The following MREG variants were observed in gnomAD, a reference collection of about 807,000 sequenced individuals.
MREG encodes melanoregulin.
A neutral mutation model predicts 28.5 loss-of-function variants in MREG; 31 were observed. That is an observed-to-expected ratio of 1.09 (90% CI 0.82 to 1.47). MREG has a LOEUF of 1.47. MREG is among the 40% of genes most tolerant of loss of function. The pLI, the probability that MREG is intolerant of heterozygous loss-of-function variation, is 0.00. For missense variants in MREG, 256 were observed against 257.4 expected (o/e 0.99, Z 0.04); for synonymous variants, 106 against 95.2 (o/e 1.11, Z -0.66).
At chr2:215,940,098 T>C (rs151273018), downstream of MREG, among the ~76,000 whole-genome samples, 36 of 152,354 alleles carry the variant, frequency 2.4e-4, no homozygotes, top group Admixed American at 6.5e-4. Flanking sequence ...AGACTCAAGC[T>C]AAAATCTGGT....
intron 2 of MREG, among the ~76,000 whole-genome samples, chr2:215,984,290 G>A (rs1209054441): frequency 6.6e-6 from 1 of 152,056 alleles, no homozygotes; most frequent in African/African-American, 2.4e-5. Context: ...ACAACATGTG[G>A]GAATTCAAGG....
chr2:215,998,425 G>C (rs1277719194), intron 1 of MREG, among the ~76,000 whole-genome samples: 1 of 152,058 alleles, frequency 6.6e-6, no homozygotes, highest in Non-Finnish European at 1.5e-5. Flanking sequence ...GCTAGCAGGA[G>C]ACCAGCTACC....
chr2:215,969,194 G>C (rs1020269704), intron 2 of MREG, among the ~76,000 whole-genome samples: 5 of 152,166 alleles, frequency 3.3e-5, no homozygotes, highest in Non-Finnish European at 7.3e-5. Context: ...GCCTAAGATG[G>C]AGAAATCTAG....
intron 2 of MREG, among the ~76,000 whole-genome samples, chr2:215,968,824 T>C (rs1280240822): frequency 6.6e-6 from 1 of 152,250 alleles, no homozygotes; most frequent in Non-Finnish European, 1.5e-5. Context: ...GGTGCAATCA[T>C]GGCTCACTGC....
At chr2:215,954,008 G>A (rs558691363) in intron 2 of MREG, among the ~76,000 whole-genome samples, 2 of 152,222 alleles carry the variant, frequency 1.3e-5, no homozygotes, top group Non-Finnish European at 2.9e-5. Flanking sequence ...TGTCCCAGAA[G>A]TGTCTTAGGC....
chr2:215,965,254 C>G (rs10498049), intron 2 of MREG, among the ~76,000 whole-genome samples: 2,609 of 152,306 alleles, frequency 0.017, 68 homozygotes, highest in East Asian at 0.1. Flanking sequence ...CCTATTGATA[C>G]ATTTGCAGGT....
intron 2 of MREG, among the ~76,000 whole-genome samples, chr2:215,968,294 C>A (rs12694381): frequency 0.9 from 136,809 of 152,150 alleles, 61,595 homozygotes; most frequent in Non-Finnish European, 0.91. Context: ...TTACTTTTCA[C>A]CACTCATTAC....
At chr2:216,002,762 CT>C (rs1694050067) in intron 1 of MREG, among the ~76,000 whole-genome samples, 1 of 152,058 alleles carries the variant, frequency 6.6e-6, no homozygotes, top group Admixed American at 6.5e-5. Context: ...CCTTGCTTCC[CT>C]CCCCATTCTC....
At chr2:215,997,666 A>C (rs1367717717) in intron 1 of MREG, among the ~76,000 whole-genome samples, 1 of 152,234 alleles carries the variant, frequency 6.6e-6, no homozygotes, top group Non-Finnish European at 1.5e-5. Context: ...GTGGGAGCTC[A>C]GGAGGCCATG....
intron 3 of MREG, among the ~76,000 whole-genome samples, chr2:215,946,237 TAAA>T (rs112515028): frequency 7.1e-6 from 1 of 140,226 alleles, no homozygotes; most frequent in Non-Finnish European, 1.6e-5. Flanking sequence ...TTTCATTGTT[TAAA>T]AAAAAAAAAA....
chr2:215,969,846 C>G (rs1452435185), intron 2 of MREG, among the ~76,000 whole-genome samples: 2 of 152,222 alleles, frequency 1.3e-5, no homozygotes, highest in Non-Finnish European at 1.5e-5. Context: ...ACTTAGGACT[C>G]CCTTTGTAAG....
intron 2 of MREG, among the ~76,000 whole-genome samples, chr2:215,955,367 A>G (rs1291991825): frequency 1.3e-5 from 2 of 152,318 alleles, no homozygotes; most frequent in East Asian, 1.9e-4. Flanking sequence ...ATTCTTTCCA[A>G]TATCACTGTT....
At chr2:215,950,499 T>G (rs562170503) in intron 2 of MREG, among the ~76,000 whole-genome samples, 1 of 152,362 alleles carries the variant, frequency 6.6e-6, no homozygotes, top group Admixed American at 6.5e-5. Context: ...GATGCATCTT[T>G]GGATCCCACC....
chr2:215,958,185 A>G (rs1267829148), intron 2 of MREG, among the ~76,000 whole-genome samples: 3 of 152,014 alleles, frequency 2.0e-5, no homozygotes, highest in African/African-American at 7.3e-5. Flanking sequence ...GCAGCACACC[A>G]ACATGGCACA....
At chr2:215,940,495 T>G (rs574519810), downstream of MREG, among the ~76,000 whole-genome samples, 1 of 152,326 alleles carries the variant, frequency 6.6e-6, no homozygotes, top group East Asian at 1.9e-4. Context: ...ACCACTGCAG[T>G]TCTTTTCCAA....
chr2:215,945,310 G>C (rs1314086195), intron 4 of MREG, among the ~76,000 whole-genome samples: 1 of 152,106 alleles, frequency 6.6e-6, no homozygotes, highest in Non-Finnish European at 1.5e-5. Flanking sequence ...CTACACAGTA[G>C]AATTCACTGA....
At chr2:215,988,080 T>C (rs1224880391) in intron 2 of MREG, among the ~76,000 whole-genome samples, 1 of 152,178 alleles carries the variant, frequency 6.6e-6, no homozygotes, top group Non-Finnish European at 1.5e-5. Flanking sequence ...TTTTATTTCT[T>C]AGGCAAGAGG....
chr2:215,953,773 C>A (rs117308160), intron 2 of MREG, among the ~76,000 whole-genome samples: 1 of 152,182 alleles, frequency 6.6e-6, no homozygotes, highest in Non-Finnish European at 1.5e-5. Flanking sequence ...TGGGTTTAAA[C>A]AACTGGAGTT....
intron 1 of MREG, among the ~76,000 whole-genome samples, chr2:215,999,704 C>G (rs373607595): frequency 6.6e-6 from 1 of 152,156 alleles, no homozygotes; most frequent in South Asian, 2.1e-4. Flanking sequence ...CCGATTCCAG[C>G]AGCATCAGAG....
Sources: allele counts gnomAD v4.1 joint callset (sites outside exome capture counted in the v4.1 genomes callset), GRCh38; gene constraint gnomAD v4.1.1; transcripts MANE v1.5; gene names NCBI Gene and HGNC (gene_info 2026-07-23, HGNC 2026-07-21).